KAZN: variants seen among roughly 807,000 people sequenced by gnomAD.
The protein encoded by KAZN is kazrin, periplakin interacting protein.
KAZN carries 40 observed loss-of-function variants against 87.4 expected under a neutral mutation model. The observed-to-expected ratio is 0.46, with a 90% confidence interval of 0.36 to 0.60. The LOEUF (loss-of-function observed/expected upper bound fraction) is 0.60. KAZN is among the 20% of genes least tolerant of loss of function. The pLI is 0.00. For synonymous variants in KAZN, 466 were observed against 458.3 expected, an observed-to-expected ratio of 1.02 and a Z score of -0.22; for missense variants, 898 against 1,073.9, an observed-to-expected ratio of 0.84 and a Z score of 2.29.
intron 2 of KAZN, among the ~76,000 whole-genome samples, chr1:14,509,268 A>G (rs6687304): frequency 0.81 from 123,168 of 152,220 alleles, 50,100 homozygotes; most frequent in South Asian, 0.84. Flanking sequence ...CCCTACAAAT[A>G]TGGTAGAAAT....
intron 1 of KAZN, among the ~76,000 whole-genome samples, chr1:14,045,928 G>C (rs886133956): frequency 6.6e-6 from 1 of 152,124 alleles, no homozygotes; most frequent in Non-Finnish European, 1.5e-5. Flanking sequence ...ACACAAATAA[G>C]TGTGATATAT....
chr1:14,062,013 C>T (rs577821276), intron 1 of KAZN, among the ~76,000 whole-genome samples: 16 of 152,274 alleles, frequency 1.1e-4, no homozygotes, highest in African/African-American at 3.4e-4. Context: ...AATGGAGTTA[C>T]TCTGCAAAAG....
intron 1 of KAZN, among the ~76,000 whole-genome samples, chr1:14,701,730 G>A (rs1403380499): frequency 6.6e-6 from 1 of 152,164 alleles, no homozygotes; most frequent in Non-Finnish European, 1.5e-5. Flanking sequence ...CCAGGAGGTC[G>A]AGGCTGTAGT....
chr1:14,788,251 G>A (rs771194392), intron 1 of KAZN, among the ~76,000 whole-genome samples: 2 of 152,104 alleles, frequency 1.3e-5, no homozygotes, highest in Admixed American at 1.3e-4. Flanking sequence ...ACTGGCTCTC[G>A]GGCCTCCAGC....
At chr1:14,314,638 CT>C (rs964467791) in intron 2 of KAZN, among the ~76,000 whole-genome samples, 4 of 152,016 alleles carry the variant, frequency 2.6e-5, no homozygotes, top group African/African-American at 4.8e-5. Context: ...TTCTTTCATT[CT>C]TTTTTTTGTT....
chr1:13,958,118 G>A (rs1046368405), intron 1 of KAZN, among the ~76,000 whole-genome samples: 8 of 152,140 alleles, frequency 5.3e-5, no homozygotes, highest in African/African-American at 7.2e-5. Context: ...CAGGCATTAG[G>A]TACACAACAG....
intron 1 of KAZN, among the ~76,000 whole-genome samples, chr1:14,602,153 G>C (rs1039811962): frequency 2.0e-5 from 3 of 152,194 alleles, no homozygotes; most frequent in Non-Finnish European, 4.4e-5. Flanking sequence ...GGTTAATGCA[G>C]TGTGTCATTT....
chr1:14,247,830 T>A (rs1052556223), intron 2 of KAZN, among the ~76,000 whole-genome samples: 1 of 152,154 alleles, frequency 6.6e-6, no homozygotes, highest in East Asian at 1.9e-4. Flanking sequence ...TTTGCTTTTT[T>A]TTTTGGGTGT....
chr1:14,192,151 T>C (rs1646433613), intron 2 of KAZN, among the ~76,000 whole-genome samples: 1 of 152,020 alleles, frequency 6.6e-6, no homozygotes, highest in Non-Finnish European at 1.5e-5. Context: ...CACAGGGAAA[T>C]TAAGACAGTG....
intron 2 of KAZN, among the ~76,000 whole-genome samples, chr1:14,591,299 G>A (rs1676184880): frequency 6.6e-6 from 1 of 152,016 alleles, no homozygotes; most frequent in Non-Finnish European, 1.5e-5. Context: ...TTGTCTCTGG[G>A]TTATATATTT....
intron 1 of KAZN, among the ~76,000 whole-genome samples, chr1:14,807,917 C>A (rs1646275162): frequency 6.6e-6 from 1 of 152,164 alleles, no homozygotes; most frequent in South Asian, 2.1e-4. Context: ...TGCCCCTCAA[C>A]TACAAAAGTC....
rs139905108 is a variant in KAZN at position 14,369,097 on chromosome 1, C to T, written c.249+188505C>T. ...ACTGCTAGAGATGGAAGGTGTCTTA[C>T]ACCAAGATGTGTTTCTGCAGCGTAG... On this transcript the variant is annotated intron_variant, in intron 2 of 16. Coordinates refer to the KAZN transcript ENST00000636203. Among the ~76,000 whole-genome samples the T allele has an allele frequency of 3.2e-3, 485 of 152,292 alleles. 1 individual carries two copies. The highest frequency in any genetic ancestry group is 0.011 in the African/African-American group (444 of 41,548).
intron 1 of KAZN, among the ~76,000 whole-genome samples, chr1:14,600,666 C>CAAAAAAAAA (rs59840012): frequency 8.4e-6 from 1 of 118,510 alleles, no homozygotes; most frequent in Non-Finnish European, 1.8e-5. Flanking sequence ...GGAACCTGTG[C>CAAAAAAAAA]AAAAAAAAAA....
chr1:14,028,427 A>G (rs1042381701), intron 1 of KAZN, among the ~76,000 whole-genome samples: 5 of 152,106 alleles, frequency 3.3e-5, no homozygotes, highest in Non-Finnish European at 7.4e-5. Context: ...TCACCTCCTC[A>G]TGCATAACCA....
At chr1:14,893,279 T>C (rs1417155299) in intron 1 of KAZN, among the ~76,000 whole-genome samples, 1 of 151,978 alleles carries the variant, frequency 6.6e-6, no homozygotes, top group Non-Finnish European at 1.5e-5. Context: ...GGCAGAAGAA[T>C]CTCTGGAGCC....
chr1:14,290,910 G>T (rs145031189), intron 2 of KAZN, among the ~76,000 whole-genome samples: 1,967 of 152,298 alleles, frequency 0.013, 46 homozygotes, highest in African/African-American at 0.045. Context: ...CTTTCTGTTT[G>T]TTAGTTTTCC....
At position 14,992,429 on chromosome 1, in the gene KAZN, A is replaced by G. The variant is rs572319373; in HGVS notation, c.418+31554A>G. On this transcript the variant is annotated intron_variant, in intron 2 of 14. Transcript: ENST00000376030. ...GAGGAGGAAAGTTGCAGAGACAAAT[A>G]GGAACCAGTCCTGGCCATTATTCGA... Among the ~76,000 whole-genome samples the G allele has an allele frequency of 1.4e-4, 21 of 152,308 alleles. No individual in the cohort carries two copies. In the South Asian group the frequency reaches 4.4e-3, roughly 32 times the overall value.
At chr1:13,941,396 G>T (rs1640922255) in intron 1 of KAZN, among the ~76,000 whole-genome samples, 1 of 124,594 alleles carries the variant, frequency 8.0e-6, no homozygotes, top group African/African-American at 2.6e-5. Flanking sequence ...GAAGCCTGTG[G>T]TCCTCAGTCC....
At chr1:14,725,708 G>C (rs997899937) in intron 1 of KAZN, among the ~76,000 whole-genome samples, 1 of 152,092 alleles carries the variant, frequency 6.6e-6, no homozygotes, top group Admixed American at 6.6e-5. Context: ...ATTTTTCCTG[G>C]TTGCTTTCCC....
Sources: gnomAD v4.1 joint callset for allele counts (sites outside exome capture counted in the v4.1 genomes callset) on GRCh38, gnomAD v4.1.1 for gene constraint, MANE v1.5 for transcripts, NCBI Gene and HGNC (gene_info 2026-07-23, HGNC 2026-07-21) for gene names.